MICAL3: variants seen among roughly 807,000 people sequenced by gnomAD.
The protein encoded by MICAL3 is [F-actin]-monooxygenase MICAL3.
Under a neutral mutation model 207.4 loss-of-function variants are expected in MICAL3, and 62 were observed. That is an observed-to-expected ratio of 0.30 (90% CI 0.24 to 0.37). The LOEUF (loss-of-function observed/expected upper bound fraction) is 0.37, where lower values mean the gene tolerates loss of function less well. Ranked by LOEUF, MICAL3 falls within the 10% of genes least tolerant of loss-of-function variation. MICAL3 has a pLI of 1.00. For synonymous variants in MICAL3, 1,077 were observed against 1,069.3 expected (o/e 1.01, Z -0.14); for missense variants, 2,368 against 2,635.6 (o/e 0.90, Z 2.22).
At chr22:17,918,291 C>A (rs1453961277) in intron 1 of MICAL3, among the ~76,000 whole-genome samples, 3 of 151,438 alleles carry the variant, frequency 2.0e-5, no homozygotes, top group Non-Finnish European at 4.4e-5. Context: ...AAAAAAAAAA[C>A]ATTGAGGACC....
At chr22:17,929,637 G>A (rs1189861928) in intron 1 of MICAL3, among the ~76,000 whole-genome samples, 4 of 130,662 alleles carry the variant, frequency 3.1e-5, no homozygotes, top group Admixed American at 2.9e-4. Flanking sequence ...GCGCTATCTC[G>A]GCTCACTGCT....
At position 17,910,497 on chromosome 22, in the gene MICAL3, G is replaced by A. The variant is rs7290739; in HGVS notation, c.-74-3611C>T. Among the ~76,000 whole-genome samples, 514 of 152,312 alleles carry A rather than the reference G, an allele frequency of 3.4e-3. 4 individuals are homozygous for A. Among genetic ancestry groups the A allele is most frequent in the African/African-American group, 0.012 (483 of 41,552 alleles). On this transcript the variant is annotated intron_variant, in intron 1 of 31. Transcript: ENST00000441493. ...CAGAGAGCTGCAGAGCCAACCAGCA[G>A]GCAAGTTTTAATTCCCCGGCCGAAG...
chr22:17,860,508 T>A, intron 19 of MICAL3: 1 of 985,462 alleles, frequency 1.0e-6, no homozygotes, highest in Non-Finnish European at 1.2e-6. Flanking sequence ...AACCCCTTGG[T>A]GCCCTGCTCG....
At chr22:17,942,041 A>G (rs868451597) in intron 1 of MICAL3, among the ~76,000 whole-genome samples, 11 of 152,314 alleles carry the variant, frequency 7.2e-5, no homozygotes, top group Admixed American at 5.2e-4. Context: ...AACAACAAGG[A>G]GAGGCGCCCA....
chr22:17,847,475 G>A (rs1158344043), intron 19 of MICAL3, among the ~76,000 whole-genome samples: 2 of 152,184 alleles, frequency 1.3e-5, no homozygotes, highest in African/African-American at 4.8e-5. Flanking sequence ...CCTGCTTCCA[G>A]CCAGACACCC....
intron 1 of MICAL3, among the ~76,000 whole-genome samples, chr22:18,013,771 C>T (rs1923888529): frequency 6.6e-6 from 1 of 152,002 alleles, no homozygotes; most frequent in Admixed American, 6.6e-5. Flanking sequence ...CTGAGTTGAT[C>T]CAAATACAAT....
In MICAL3 at chr22:17,892,701, C is replaced by G. The variant is rs531350328; in HGVS notation, c.1547-1069G>C. 2.0e-5 allele frequency among the ~76,000 whole-genome samples: 3 copies of G among 152,334 alleles called. No individual in the cohort carries two copies. The South Asian group carries it at 6.2e-4, about 32-fold the overall frequency. The stretch of plus-strand genomic sequence containing the variant: ...ACAGTGAATAAAGATACACTCTCTG[C>G]TTTCAAAGAGAAGACGCTCCAGTGG... On this transcript the variant is annotated intron_variant, in intron 11 of 31. Transcript: ENST00000441493.
intron 22 of MICAL3, 93 bp downstream of exon 22, chr22:17,827,551 G>T: frequency 7.2e-7 from 1 of 1,397,754 alleles, no homozygotes; most frequent in Non-Finnish European, 9.6e-7. Flanking sequence ...CTCATGGGTG[G>T]CTCTGCCCTG....
chr22:17,879,763 CACA>C lies in MICAL3; in HGVS notation c.2241+6112_2241+6114del, dbSNP rs749568358. Among the ~76,000 whole-genome samples, 234 of 152,276 alleles carry C rather than the reference CACA, an allele frequency of 1.5e-3. 1 individual carries two copies. Among genetic ancestry groups the C allele is most frequent in the Non-Finnish European group, 1.4e-3 (94 of 68,020 alleles). ...GGCAGGTTAAAAGGGTGACACATTC[CACA>C]ACAAGACATTTTAGAAAGCAAAGGT... On this transcript the variant is annotated intron_variant, in intron 16 of 31. Coordinates refer to ENST00000441493, the MANE Select transcript of MICAL3 (RefSeq NM_015241.3).
At chr22:17,861,454 C>T in intron 19 of MICAL3, 2 of 985,466 alleles carry the variant, frequency 2.0e-6, no homozygotes, top group Non-Finnish European at 2.4e-6. Flanking sequence ...GGGGAAAAAG[C>T]TCTTCTGTTC....
At chr22:17,965,509 C>T (rs1935106975) in intron 1 of MICAL3, among the ~76,000 whole-genome samples, 1 of 152,184 alleles carries the variant, frequency 6.6e-6, no homozygotes, top group Non-Finnish European at 1.5e-5. Flanking sequence ...GAAGATGAGG[C>T]CCCCAGGAAT....
rs1931415423 is a variant in MICAL3 at position 17,902,630 on chromosome 22, CGTT to C, written c.587_589del (p.Glu196_Arg197delinsGly). ...TTCTTCACTCCTCCAGTATAACTTACGTTCATTCTCTTGGTCCTCAGGAGGCTG... is the reference window on the plus strand; with the variant it reads ...TTCTTCACTCCTCCAGTATAACTTACCATTCTCTTGGTCCTCAGGAGGCTG... On this transcript the variant is annotated inframe_deletion and splice_region_variant, in exon 4 of 32. Coordinates refer to ENST00000441493, the MANE Select transcript of MICAL3 (RefSeq NM_015241.3). The surrounding 1 kb of genome is among the most constrained non-coding windows in gnomAD (Gnocchi z 4.5). 6.4e-7 allele frequency: 1 copy of C among 1,561,554 alleles called. No individual in the cohort carries two copies. Among genetic ancestry groups the C allele is most frequent in the Non-Finnish European group, 8.8e-7 (1 of 1,138,816 alleles).
chr22:17,834,980 A>G (rs1923210824), intron 20 of MICAL3, among the ~76,000 whole-genome samples: 6 of 152,322 alleles, frequency 3.9e-5, no homozygotes, highest in Admixed American at 3.9e-4. Context: ...AAGGCTGCCC[A>G]GCAGTTGGCA....
chr22:18,022,310 C>T (rs1313791513), intron 1 of MICAL3, among the ~76,000 whole-genome samples: 3 of 152,090 alleles, frequency 2.0e-5, no homozygotes, highest in South Asian at 2.1e-4. Flanking sequence ...ACGAGGGACT[C>T]GCCATGTGGA....
chr22:17,831,843 T>C lies in MICAL3; in HGVS notation c.3055+11A>G. On this transcript the variant is annotated intron_variant, in intron 21 of 31. Coordinates refer to ENST00000441493, the MANE Select transcript of MICAL3 (RefSeq NM_015241.3). ...GCAGGGCAGAGTTCGGAGCAGAGATTTTGTTCTGACCTTCACTGGACTCTT... is the reference window on the plus strand; with the variant it reads ...GCAGGGCAGAGTTCGGAGCAGAGATCTTGTTCTGACCTTCACTGGACTCTT... 6.5e-7 allele frequency: 1 copy of C among 1,550,008 alleles called. No individual in the cohort carries two copies. Among genetic ancestry groups the C allele is most frequent in the Non-Finnish European group, 8.7e-7 (1 of 1,146,546 alleles).
intron 1 of MICAL3, among the ~76,000 whole-genome samples, chr22:17,911,570 T>C (rs1445797558): frequency 1.3e-5 from 2 of 152,126 alleles, no homozygotes; most frequent in Non-Finnish European, 2.9e-5. Context: ...AGGTGGCTCA[T>C]GCCTGTAATC....
intron 1 of MICAL3, among the ~76,000 whole-genome samples, chr22:18,016,187 G>A (rs775704041): frequency 5.3e-5 from 8 of 152,050 alleles, no homozygotes; most frequent in Admixed American, 2.0e-4. Context: ...ATTATGTTGC[G>A]GTTTTGAAAA....
At chr22:17,865,846 G>A (rs1211898044) in intron 18 of MICAL3, 78 bp downstream of exon 18, 2 of 1,205,870 alleles carry the variant, frequency 1.7e-6, no homozygotes, top group African/African-American at 3.0e-5. Context: ...GCATTTGCAG[G>A]TTGGCCGCCC....
chr22:17,822,149 G>C lies in MICAL3; in HGVS notation c.3329C>G (p.Pro1110Arg), dbSNP rs776062338. 2.2e-5 allele frequency: 36 copies of C among 1,613,616 alleles called. No homozygotes were observed. In the South Asian group the frequency reaches 3.8e-4, roughly 17 times the overall value. Residue 1110 changes from proline (P) to arginine (R), a missense_variant, in exon 24 of 32, where the codon CCG (proline) becomes CGG (arginine). Pro to Arg is a moderately radical substitution (Grantham distance 103). Transcript: ENST00000441493. ...ACGCAGCTCTCTGTCAGCATCCGAC[G>C]GGCTGTCAGACCAGTGCTGATCTGG... is the stretch of plus-strand genomic sequence containing the variant. ...LDDDQHWSDS[P>R]SDADRELRLP...
Sources: gnomAD v4.1 joint callset for allele counts (sites outside exome capture counted in the v4.1 genomes callset) on GRCh38, gnomAD v4.1.1 for gene constraint, Gnocchi (gnomAD v3.1) non-coding constraint, MANE v1.5 for transcripts, NCBI Gene and HGNC (gene_info 2026-07-23, HGNC 2026-07-21) for gene names.